Variants in ZBTB20 observed in about 807,000 individuals in gnomAD.
ZBTB20 encodes zinc finger and BTB domain-containing protein 20.
ZBTB20 carries 9 observed loss-of-function variants against 56.9 expected under a neutral mutation model. The ratio of observed to expected loss-of-function variants is 0.16; its 90% CI spans 0.10 to 0.28. ZBTB20 has a LOEUF of 0.28. Among genes scored for constraint, ZBTB20 ranks in the 10% least tolerant of loss-of-function variants. The pLI is 1.00. For synonymous variants in ZBTB20, 417 were observed against 420.7 expected (o/e 0.99, Z 0.11); for missense variants, 655 against 1,003.0 (o/e 0.65, Z 4.69).
intron 7 of ZBTB20, among the ~76,000 whole-genome samples, chr3:114,471,784 G>A (rs2040161873): frequency 6.6e-6 from 1 of 152,140 alleles, no homozygotes; most frequent in Non-Finnish European, 1.5e-5. Context: ...CTGAACAGGG[G>A]AAAGAAACTC....
Position 114,350,887 on chromosome 3 carries a change from C to T in ZBTB20, c.1191G>A (p.Gly397=). Residue 397 remains glycine, a synonymous_variant, in exon 11 of 12, where the codon GGG becomes GGA. Transcript: ENST00000675478. ...PDSVEQQFGP[G]AARDSQAEPT... ...GTTCAGCCTGGCTGTCCCGCGCCGC[C>T]CCAGGCCCAAACTGCTGCTCCACCG... 6.2e-7 allele frequency: 1 copy of T among 1,607,696 alleles called. No individual in the cohort carries two copies. The highest frequency in any genetic ancestry group is 8.5e-7 in the Non-Finnish European group (1 of 1,179,960).
rs138433741 is a variant in ZBTB20 at position 114,809,890 on chromosome 3, A to G, written c.-416-8716T>C. Among the ~76,000 whole-genome samples the G allele has an allele frequency of 5.6e-3, 856 of 152,312 alleles. 9 individuals are homozygous for G. Among genetic ancestry groups the G allele is most frequent in the South Asian group, 0.03 (147 of 4,822 alleles). Reference sequence around the variant, plus strand: ...TTTGTTTATTTAGGACTTGCCTAACATAACTCTGTGCAGCCTCTCTTCCCC... The same window carrying G: ...TTTGTTTATTTAGGACTTGCCTAACGTAACTCTGTGCAGCCTCTCTTCCCC... On this transcript the variant is annotated intron_variant, in intron 4 of 11. Coordinates refer to ENST00000675478, the MANE Select transcript of ZBTB20 (RefSeq NM_001348800.3).
chr3:114,646,265 G>C (rs890376177), intron 6 of ZBTB20, among the ~76,000 whole-genome samples: 17 of 151,866 alleles, frequency 1.1e-4, no homozygotes, highest in African/African-American at 3.9e-4. Context: ...CTGGTGGATG[G>C]AAGAAGTTTG....
intron 2 of ZBTB20, among the ~76,000 whole-genome samples, chr3:115,022,544 C>G (rs1032223747): frequency 1.3e-5 from 2 of 151,008 alleles, no homozygotes; most frequent in African/African-American, 4.8e-5. Flanking sequence ...CCTGACAGAG[C>G]CAAGTTTATT....
At chr3:114,494,667 G>A (rs755734686) in intron 7 of ZBTB20, among the ~76,000 whole-genome samples, 6 of 152,102 alleles carry the variant, frequency 3.9e-5, no homozygotes, top group African/African-American at 9.7e-5. Context: ...TGAGACTATC[G>A]GGAGGTGATG....
At chr3:114,669,210 G>A (rs1294948800) in intron 6 of ZBTB20, among the ~76,000 whole-genome samples, 1 of 151,960 alleles carries the variant, frequency 6.6e-6, no homozygotes, top group Admixed American at 6.6e-5. Context: ...CATCTACCCT[G>A]CATCCCGGCA....
intron 2 of ZBTB20, among the ~76,000 whole-genome samples, chr3:115,051,376 A>G (rs990244331): frequency 5.3e-5 from 8 of 152,164 alleles, no homozygotes; most frequent in African/African-American, 1.4e-4. Context: ...AAAAAAATTG[A>G]CATGCTTAAG....
intron 2 of ZBTB20, among the ~76,000 whole-genome samples, chr3:114,997,112 G>C (rs1353053197): frequency 1.3e-5 from 2 of 151,770 alleles, no homozygotes; most frequent in Non-Finnish European, 2.9e-5. Flanking sequence ...TAAACAGTAG[G>C]GGCAGTTGAG....
chr3:114,483,239 C>T (rs1052490069), intron 7 of ZBTB20, among the ~76,000 whole-genome samples: 1 of 151,908 alleles, frequency 6.6e-6, no homozygotes, highest in Non-Finnish European at 1.5e-5. Context: ...AAATAATTTT[C>T]CCATAATGAT....
chr3:114,419,683 C>T (rs1475900367), intron 7 of ZBTB20, among the ~76,000 whole-genome samples: 1 of 152,038 alleles, frequency 6.6e-6, no homozygotes, highest in African/African-American at 2.4e-5. Flanking sequence ...TCACACTTAG[C>T]ATATAAAATA....
intron 4 of ZBTB20, among the ~76,000 whole-genome samples, chr3:114,855,204 A>T (rs1299039377): frequency 6.6e-6 from 1 of 152,246 alleles, no homozygotes; most frequent in Non-Finnish European, 1.5e-5. Flanking sequence ...ACTATTATAT[A>T]GCATTTGTAT....
intron 6 of ZBTB20, among the ~76,000 whole-genome samples, chr3:114,615,341 G>A (rs1410051525): frequency 1.3e-5 from 2 of 152,062 alleles, no homozygotes; most frequent in African/African-American, 4.8e-5. Context: ...TAGATATCTA[G>A]GGAATCACTT....
intron 6 of ZBTB20, among the ~76,000 whole-genome samples, chr3:114,543,599 C>G (rs2669903): frequency 6.6e-6 from 1 of 152,196 alleles, no homozygotes; most frequent in Non-Finnish European, 1.5e-5. Flanking sequence ...CCCTTGGCTA[C>G]TATAAACTCT....
intron 1 of ZBTB20, among the ~76,000 whole-genome samples, chr3:115,110,275 T>A (rs986238638): frequency 1.3e-5 from 2 of 152,040 alleles, no homozygotes; most frequent in African/African-American, 4.8e-5. Context: ...AGCGAGTTAT[T>A]AATAACGGAG....
chr3:114,654,261 T>C lies in ZBTB20; in HGVS notation c.-295+39267A>G, dbSNP rs1327607205. On this transcript the variant is annotated intron_variant, in intron 6 of 11. Coordinates refer to ENST00000675478, the MANE Select transcript of ZBTB20 (RefSeq NM_001348800.3). ...TAAAAGCTCAAAATTTCTGCTAAGCTTCTCTCTGGCTCATATTATAAATGT... is the reference window on the plus strand; with the variant it reads ...TAAAAGCTCAAAATTTCTGCTAAGCCTCTCTCTGGCTCATATTATAAATGT... Among the ~76,000 whole-genome samples, 6 of 152,066 alleles carry C rather than the reference T, an allele frequency of 3.9e-5. No homozygotes were observed. In the South Asian group the frequency reaches 8.3e-4, roughly 21 times the overall value.
At chr3:114,370,659 A>G (rs2082895461) in intron 10 of ZBTB20, among the ~76,000 whole-genome samples, 1 of 152,024 alleles carries the variant, frequency 6.6e-6, no homozygotes, top group South Asian at 2.1e-4. Context: ...ACTTCTTTGA[A>G]GTTTACTCCC....
chr3:115,126,638 C>CTACA (rs2084341590), intron 1 of ZBTB20, among the ~76,000 whole-genome samples: 1 of 152,008 alleles, frequency 6.6e-6, no homozygotes, highest in East Asian at 1.9e-4. Flanking sequence ...AGTTATTGAG[C>CTACA]TACAGCTAAT....
chr3:114,771,983 A>T (rs945321104), intron 5 of ZBTB20, among the ~76,000 whole-genome samples: 1 of 152,160 alleles, frequency 6.6e-6, no homozygotes, highest in Non-Finnish European at 1.5e-5. Flanking sequence ...TCCTGCTCTC[A>T]ATAGGTCACA....
At chr3:114,560,190 G>T (rs188916106) in intron 6 of ZBTB20, among the ~76,000 whole-genome samples, 1 of 152,068 alleles carries the variant, frequency 6.6e-6, no homozygotes, top group Admixed American at 6.5e-5. Flanking sequence ...AGTGAATTTT[G>T]CCATGGGAAA....
Sources: allele counts gnomAD v4.1 joint callset (sites outside exome capture counted in the v4.1 genomes callset), GRCh38; gene constraint gnomAD v4.1.1; transcripts MANE v1.5; gene names NCBI Gene and HGNC (gene_info 2026-07-23, HGNC 2026-07-21).